The following WWOX variants were observed in gnomAD, a reference collection of about 807,000 sequenced individuals.
WWOX encodes WW domain-containing oxidoreductase.
WWOX carries 69 observed loss-of-function variants against 46.2 expected under a neutral mutation model. The observed-to-expected ratio is 1.49, with a 90% CI of 1.23 to 1.82. The LOEUF is 1.82. Among genes scored for constraint, WWOX ranks in the 40% most tolerant of loss-of-function variants. The pLI is 0.00. For missense variants in WWOX, 919 were observed against 542.6 expected, an observed-to-expected ratio of 1.69 and a Z score of -6.89; for synonymous variants, 359 against 202.6, an observed-to-expected ratio of 1.77 and a Z score of -6.56.
chr16:78,251,015 G>A (rs890459139), intron 5 of WWOX, among the ~76,000 whole-genome samples: 3 of 152,116 alleles, frequency 2.0e-5, no homozygotes, highest in African/African-American at 4.8e-5. Context: ...TCCCCAGCCC[G>A]GACCACACAT....
intron 8 of WWOX, among the ~76,000 whole-genome samples, chr16:78,470,905 T>C (rs182535568): frequency 6.6e-6 from 1 of 152,286 alleles, no homozygotes; most frequent in African/African-American, 2.4e-5. Context: ...GAACAGGTGA[T>C]ATTGTGCCTA....
chr16:79,012,381 T>C (rs558005165), intron 8 of WWOX, among the ~76,000 whole-genome samples: 5 of 152,236 alleles, frequency 3.3e-5, no homozygotes, highest in East Asian at 3.9e-4. Flanking sequence ...TACAGGTGTC[T>C]GCCACCACGC....
chr16:78,644,504 C>T (rs1046503747), intron 8 of WWOX, among the ~76,000 whole-genome samples: 2 of 151,820 alleles, frequency 1.3e-5, no homozygotes, highest in African/African-American at 4.8e-5. Context: ...TCTTATTGCT[C>T]AGGCTGCTGT....
intron 8 of WWOX, among the ~76,000 whole-genome samples, chr16:79,102,730 C>T (rs920810916): frequency 1.1e-4 from 16 of 152,040 alleles, no homozygotes; most frequent in African/African-American, 3.9e-4. Flanking sequence ...CTCGGAGGTT[C>T]TGAAGCTAAA....
intron 8 of WWOX, among the ~76,000 whole-genome samples, chr16:79,003,032 A>G (rs1379305057): frequency 1.3e-5 from 2 of 152,214 alleles, no homozygotes; most frequent in Non-Finnish European, 2.9e-5. Context: ...CATGCCAGCC[A>G]CAGGGCCTCA....
chr16:78,103,242 GTTTTTTT>G lies in WWOX; in HGVS notation c.107+3373_107+3379del, dbSNP rs74264852. On this transcript the variant is annotated intron_variant, in intron 1 of 8. Coordinates refer to ENST00000566780, the MANE Select transcript of WWOX (RefSeq NM_016373.4). ...TCAAGCTGGCCTCTCTGGCTCCGCTGTTTTTTTTTTTTTTTTTTTTTTAATTTAATTT... is the reference window on the plus strand; with the variant it reads ...TCAAGCTGGCCTCTCTGGCTCCGCTGTTTTTTTTTTTTTTTAATTTAATTT... Among the ~76,000 whole-genome samples the G allele has an allele frequency of 3.8e-3, 542 of 142,562 alleles. 1 individual carries two copies. The highest frequency in any genetic ancestry group is 7.5e-3 in the Middle Eastern group (2 of 266). The allele number at this position is 142,562 out of a possible 152,430, so 93.5% of individuals were successfully genotyped here.
chr16:78,919,468 C>G (rs2045326510), intron 8 of WWOX, among the ~76,000 whole-genome samples: 1 of 151,760 alleles, frequency 6.6e-6, no homozygotes, highest in South Asian at 2.1e-4. Context: ...CTTCTAACAG[C>G]AATCAGTCCC....
intron 8 of WWOX, among the ~76,000 whole-genome samples, chr16:79,134,586 T>G (rs1395461975): frequency 3.9e-5 from 6 of 152,152 alleles, no homozygotes; most frequent in African/African-American, 1.2e-4. Flanking sequence ...CACAGTAGAT[T>G]TTTTATAAAT....
intron 8 of WWOX, among the ~76,000 whole-genome samples, chr16:78,764,287 C>T (rs2049872746): frequency 6.6e-6 from 1 of 151,654 alleles, no homozygotes. Context: ...GGAGCTGCCA[C>T]CCAGTCCAGT....
At chr16:79,028,246 A>G (rs7187331) in intron 8 of WWOX, among the ~76,000 whole-genome samples, 96,757 of 151,666 alleles carry the variant, frequency 0.64, 31,232 homozygotes, top group East Asian at 0.72. Flanking sequence ...ACCACGCCCG[A>G]CTGCTTTATT....
At chr16:78,161,711 A>G (rs547368638) in intron 4 of WWOX, among the ~76,000 whole-genome samples, 1 of 152,244 alleles carries the variant, frequency 6.6e-6, no homozygotes, top group African/African-American at 2.4e-5. Context: ...ACGGTGCTAG[A>G]ATTACAGGCC....
chr16:78,449,145 C>G (rs761625792), intron 8 of WWOX, among the ~76,000 whole-genome samples: 2 of 152,114 alleles, frequency 1.3e-5, no homozygotes, highest in African/African-American at 2.4e-5. Flanking sequence ...TCCTTATGGC[C>G]CAGTGGATTG....
rs550843400 is a variant in WWOX at position 79,127,674 on chromosome 16, C to T, written c.1057-83934C>T. 2.8e-4 allele frequency among the ~76,000 whole-genome samples: 43 copies of T among 152,020 alleles called. No homozygotes were observed. The Middle Eastern group carries it at 0.014, about 48-fold the overall frequency. On this transcript the variant is annotated intron_variant, in intron 8 of 8. Transcript: ENST00000566780. ...AGAGAGTATGCACTCCGGTCGTTTT[C>T]ATAGATATTGCCAAATTGCCCTCTA...
chr16:78,468,530 C>G (rs1280793169), intron 8 of WWOX, among the ~76,000 whole-genome samples: 2 of 152,124 alleles, frequency 1.3e-5, no homozygotes, highest in African/African-American at 4.8e-5. Context: ...ATTGTCGGCC[C>G]TCTTAGAAGA....
intron 8 of WWOX, among the ~76,000 whole-genome samples, chr16:79,000,370 T>A (rs538138690): frequency 6.6e-6 from 1 of 152,216 alleles, no homozygotes; most frequent in Non-Finnish European, 1.5e-5. Context: ...AGATGGGGAA[T>A]TAAGGTTGCA....
intron 8 of WWOX, among the ~76,000 whole-genome samples, chr16:78,609,905 C>G (rs2045858062): frequency 6.6e-6 from 1 of 152,290 alleles, no homozygotes; most frequent in East Asian, 1.9e-4. Context: ...CCAGGTTTCT[C>G]TATTAAGAGC....
intron 8 of WWOX, among the ~76,000 whole-genome samples, chr16:78,900,179 T>A (rs1400993799): frequency 6.6e-6 from 1 of 151,616 alleles, no homozygotes; most frequent in Non-Finnish European, 1.5e-5. Context: ...TTTGCCAGAG[T>A]AGGGTGTAAA....
At chr16:79,084,235 G>A (rs1043076497) in intron 8 of WWOX, among the ~76,000 whole-genome samples, 1 of 152,156 alleles carries the variant, frequency 6.6e-6, no homozygotes, top group African/African-American at 2.4e-5. Context: ...CTTGTTCCTA[G>A]TGAAGAGGTG....
chr16:79,159,810 C>T (rs1271485001), intron 8 of WWOX, among the ~76,000 whole-genome samples: 1 of 152,156 alleles, frequency 6.6e-6, no homozygotes, highest in Non-Finnish European at 1.5e-5. Context: ...ACTTTCTAAT[C>T]CTTCTAGTTG....
Sources: allele counts gnomAD v4.1 joint callset (sites outside exome capture counted in the v4.1 genomes callset), GRCh38; gene constraint gnomAD v4.1.1; transcripts MANE v1.5; gene names NCBI Gene and HGNC (gene_info 2026-07-23, HGNC 2026-07-21).